ZBTB7B: variants seen among roughly 807,000 people sequenced by gnomAD.
ZBTB7B encodes the protein zinc finger and BTB domain containing 7B, also known as zinc finger and BTB domain-containing protein 7B.
ZBTB7B carries 8 observed loss-of-function variants against 31.0 expected under a neutral mutation model. The observed-to-expected ratio is 0.26, with a 90% CI of 0.15 to 0.47. The LOEUF (loss-of-function observed/expected upper bound fraction) is 0.47, where lower values mean the gene tolerates loss of function less well. ZBTB7B is among the 20% of genes least tolerant of loss of function. ZBTB7B has a pLI of 0.99. For synonymous variants in ZBTB7B, 261 were observed against 307.3 expected, an observed-to-expected ratio of 0.85 and a Z score of 1.58; for missense variants, 494 against 742.4, an observed-to-expected ratio of 0.67 and a Z score of 3.89.
intron 1 of ZBTB7B, among the ~76,000 whole-genome samples, chr1:155,013,863 G>A (rs1036247477): frequency 2.0e-5 from 3 of 152,114 alleles, no homozygotes; most frequent in African/African-American, 7.2e-5. Context: ...AGGATGTGGG[G>A]GGAGGGATGC....
intron 1 of ZBTB7B, among the ~76,000 whole-genome samples, chr1:155,009,759 C>G (rs983505303): frequency 6.6e-6 from 1 of 152,144 alleles, no homozygotes; most frequent in African/African-American, 2.4e-5. Flanking sequence ...GGAAGGCAGG[C>G]CTGGTCCCTG....
intron 1 of ZBTB7B, among the ~76,000 whole-genome samples, chr1:155,008,797 G>T (rs934505502): frequency 1.3e-5 from 2 of 152,154 alleles, no homozygotes; most frequent in Non-Finnish European, 2.9e-5. Context: ...GGGGAGGGGG[G>T]ACAGCACCCA....
Position 155,015,284 on chromosome 1 carries a change from C to T in ZBTB7B, c.624C>T (p.Phe208=). ...ARRSRKPRKA[F]LQTKGARANH... ...GCAGCCGCAAGCCCCGGAAAGCTTT[C>T]CTGCAAACCAAGGGGGCCAGAGCAA... The change falls in exon 2 of 3, where the codon TTC becomes TTT. Residue 208 remains phenylalanine, a synonymous_variant. Coordinates refer to ENST00000535420, the MANE Select transcript of ZBTB7B (RefSeq NM_001256455.2). 6.2e-7 allele frequency: 1 copy of T among 1,613,350 alleles called. No homozygotes were observed. Among genetic ancestry groups the T allele is most frequent in the Non-Finnish European group, 8.5e-7 (1 of 1,179,676 alleles).
At position 155,004,623 on chromosome 1, in the gene ZBTB7B, G is replaced by T. The variant is rs920404655; in HGVS notation, c.-7+1680G>T. 6.6e-6 allele frequency among the ~76,000 whole-genome samples: 1 copy of T among 152,128 alleles called. No homozygotes were observed. Among genetic ancestry groups the T allele is most frequent in the Non-Finnish European group, 1.5e-5 (1 of 68,012 alleles). On this transcript the variant is annotated intron_variant, in intron 1 of 2. Transcript: ENST00000535420. The surrounding 1 kb of genome is among the most constrained non-coding windows in gnomAD (Gnocchi z 4.0). ...TGCTGCGCTAGAGAGGGACATATGT[G>T]TGACTATGTCTGGATGATAGTTAGT... is the stretch of plus-strand genomic sequence containing the variant.
chr1:155,012,258 T>G, intron 1 of ZBTB7B, among the ~76,000 whole-genome samples: 1 of 140,468 alleles, frequency 7.1e-6, no homozygotes, highest in African/African-American at 2.6e-5. Flanking sequence ...GCAGCGGGAA[T>G]GGGTGGGGTG....
At position 155,017,478 on chromosome 1, in the gene ZBTB7B, AGGGCGG is replaced by A. The variant is rs1659545627; in HGVS notation, c.*795_*800del. On this transcript the variant is annotated 3_prime_UTR_variant, in exon 3 of 3. Coordinates refer to ENST00000535420, the MANE Select transcript of ZBTB7B (RefSeq NM_001256455.2). ...CGCTCCCTCCCCGGGGCCAGAGGGCAGGGCGGGCCGGGCGGCGTCCTACCCTCTTCT... is the reference window on the plus strand; with the variant it reads ...CGCTCCCTCCCCGGGGCCAGAGGGCAGCCGGGCGGCGTCCTACCCTCTTCT... 6.6e-6 allele frequency: 1 copy of A among 152,560 alleles called. No individual in the cohort carries two copies. Among genetic ancestry groups the A allele is most frequent in the African/African-American group, 2.4e-5 (1 of 41,430 alleles). 9.5% of individuals were successfully genotyped at this position (152,560 alleles called of 1,614,324 possible).
Position 155,015,256 on chromosome 1 carries a change from G to A in ZBTB7B, c.596G>A (p.Arg199His), listed in dbSNP as rs751576409. The change falls in exon 2 of 3, where the codon CGC becomes CAC. Residue 199 changes from arginine to histidine, a missense_variant. By Grantham distance (29) the Arg-to-His change is conservative. This residue lies in a region of ZBTB7B where 216 missense variants were observed against 229.3 expected (regional missense o/e 0.94). Coordinates refer to ENST00000535420, the MANE Select transcript of ZBTB7B (RefSeq NM_001256455.2). Reference protein sequence around the residue: ...PPPPPPRPVARRSRKPRKAFL... With the variant: ...PPPPPPRPVAHRSRKPRKAFL... ...CCACCGCCACCTCGGCCTGTTGCCC[G>A]CCGCAGCCGCAAGCCCCGGAAAGCT... is the stretch of plus-strand genomic sequence containing the variant. 11 of 1,613,452 alleles carry A rather than the reference G, an allele frequency of 6.8e-6. No homozygotes were observed. The East Asian group carries it at 8.9e-5, about 13-fold the overall frequency.
intron 1 of ZBTB7B, chr1:155,010,844 G>A (rs1289768899): frequency 5.5e-6 from 7 of 1,274,596 alleles, no homozygotes; most frequent in Non-Finnish European, 7.7e-6. Flanking sequence ...ACAGAAGTAA[G>A]GGGGAGGGGT....
Position 155,016,340 on chromosome 1 carries a change from A to G in ZBTB7B, c.1275A>G (p.Thr425=). ...TCAAGAACCACATGCACCTGCACAC[A>G]GGGGACCGGCCCTATGAGTGCCACC... is the stretch of plus-strand genomic sequence containing the variant. The part of the protein sequence containing the change: ...YDLKNHMHLH[T]GDRPYECHLC... The change falls in exon 3 of 3, where the codon ACA becomes ACG. Residue 425 remains threonine, a synonymous_variant. Transcript: ENST00000535420. The surrounding 1 kb of genome is among the most constrained non-coding windows in gnomAD (Gnocchi z 4.3). 1 of 1,614,080 alleles carries G rather than the reference A, an allele frequency of 6.2e-7. No homozygotes were observed. The highest frequency in any genetic ancestry group is 8.5e-7 in the Non-Finnish European group (1 of 1,179,992).
At chr1:155,002,120 C>T (rs933818910), upstream of ZBTB7B, among the ~76,000 whole-genome samples, 6 of 152,192 alleles carry the variant, frequency 3.9e-5, no homozygotes, top group East Asian at 1.2e-3. Flanking sequence ...CCCCCTCCCC[C>T]CTCCTCTCCA....
Position 155,015,175 on chromosome 1 carries a change from C to T in ZBTB7B, c.515C>T (p.Ser172Phe), listed in dbSNP as rs750545570. The change falls in exon 2 of 3, where the codon TCT becomes TTT. Residue 172 changes from serine (S) to phenylalanine (F), a missense_variant. Around this residue, in one of 5 missense-constraint regions of ZBTB7B, gnomAD observed 216 missense variants for 229.3 expected, o/e 0.94. Coordinates refer to ENST00000535420, the MANE Select transcript of ZBTB7B (RefSeq NM_001256455.2). Reference protein sequence around the residue: ...YLEAFATATASGVPNGEDSPP... With the variant: ...YLEAFATATAFGVPNGEDSPP... Reference sequence around the variant, plus strand: ...GAGGCCTTTGCCACAGCCACGGCCTCTGGAGTTCCCAATGGTGAAGACAGT... The same window carrying T: ...GAGGCCTTTGCCACAGCCACGGCCTTTGGAGTTCCCAATGGTGAAGACAGT... 1 of 1,613,774 alleles carries T rather than the reference C, an allele frequency of 6.2e-7. No individual in the cohort carries two copies. Among genetic ancestry groups the T allele is most frequent in the Admixed American group, 1.7e-5 (1 of 60,030 alleles).
chr1:155,014,765 C>T lies in ZBTB7B; in HGVS notation c.105C>T (p.Asp35=). 6.2e-7 allele frequency: 1 copy of T among 1,614,226 alleles called. No individual in the cohort carries two copies. The highest frequency in any genetic ancestry group is 2.2e-5 in the East Asian group (1 of 44,890). Residue 35 remains aspartate, a synonymous_variant, in exon 2 of 3, where the codon GAC becomes GAT. Transcript: ENST00000535420. ...AGCGCCAGCTGGGCCACCTATGTGA[C>T]CTCACCATCCGGACGCAGGGCCTTG... ...NEQRQLGHLC[D]LTIRTQGLEY...
chr1:155,016,344 G>C lies in ZBTB7B; in HGVS notation c.1279G>C (p.Asp427His). Residue 427 changes from aspartate to histidine, a missense_variant, in exon 3 of 3, where the codon GAC becomes CAC. By Grantham distance (81) the Asp-to-His change is moderately conservative. Around this residue, in one of 5 missense-constraint regions of ZBTB7B, gnomAD observed 61 missense variants for 170.0 expected, o/e 0.36. Transcript: ENST00000535420. This position sits in a 1 kb window ranked among gnomAD's most constrained non-coding sequence, Gnocchi z 4.3. ...GAACCACATGCACCTGCACACAGGGGACCGGCCCTATGAGTGCCACCTGTG... is the reference window on the plus strand; with the variant it reads ...GAACCACATGCACCTGCACACAGGGCACCGGCCCTATGAGTGCCACCTGTG... ...LKNHMHLHTGDRPYECHLCHK... is the reference protein window; with the variant it reads ...LKNHMHLHTGHRPYECHLCHK... 6.2e-7 allele frequency: 1 copy of C among 1,614,144 alleles called. No homozygotes were observed. Among genetic ancestry groups the C allele is most frequent in the East Asian group, 2.2e-5 (1 of 44,886 alleles).
chr1:155,016,243 T>C lies in ZBTB7B; in HGVS notation c.1178T>C (p.Met393Thr). Residue 393 changes from methionine to threonine, a missense_variant, in exon 3 of 3, where the codon ATG (methionine) becomes ACG (threonine). Physicochemically the swap from Met to Thr is moderately conservative, Grantham distance 81 (BLOSUM62 -1). Transcript: ENST00000535420. This position sits in a 1 kb window ranked among gnomAD's most constrained non-coding sequence, Gnocchi z 4.3. Reference protein sequence around the residue: ...FTRNDKLKIHMRKHTGERPYS... With the variant: ...FTRNDKLKIHTRKHTGERPYS... ...AGGAACGACAAGCTGAAGATCCACA[T>C]GCGGAAGCACACGGGAGAGCGCCCC... 1.2e-6 allele frequency: 2 copies of C among 1,613,164 alleles called. No individual in the cohort carries two copies. Among genetic ancestry groups the C allele is most frequent in the Non-Finnish European group, 1.7e-6 (2 of 1,179,264 alleles).
Position 155,017,678 on chromosome 1 carries a change from C to A in ZBTB7B, c.*993C>A, listed in dbSNP as rs1450751401. The stretch of plus-strand genomic sequence containing the variant: ...GAGCCGGCGCCATCTGGCGGCCATG[C>A]TCTGAGTGGGCGAGCGCCCCCCGCG... On this transcript the variant is annotated 3_prime_UTR_variant, in exon 3 of 3. Transcript: ENST00000535420. 1 of 152,424 alleles carries A rather than the reference C, an allele frequency of 6.6e-6. No homozygotes were observed. Among genetic ancestry groups the A allele is most frequent in the African/African-American group, 2.4e-5 (1 of 41,460 alleles). 9.4% of individuals were successfully genotyped at this position (152,424 alleles called of 1,614,324 possible). A position where few individuals can be genotyped will look rare whatever the true frequency, so the allele number is the denominator to read the frequency against.
At chr1:155,014,405 C>T in intron 1 of ZBTB7B, 1 of 528,728 alleles carries the variant, frequency 1.9e-6, no homozygotes, top group Non-Finnish European at 3.4e-6. Flanking sequence ...GGGCCCACTC[C>T]CTGAGTTTGA....
chr1:155,015,052 C>T lies in ZBTB7B; in HGVS notation c.392C>T (p.Pro131Leu). The T allele has an allele frequency of 6.2e-7, 1 of 1,613,852 alleles. No homozygotes were observed. The highest frequency in any genetic ancestry group is 8.5e-7 in the Non-Finnish European group (1 of 1,180,010). Reference sequence around the variant, plus strand: ...CAGGCTGCCCGCCTGCTGGAGATCCCGTGTGTCATCGCTGCTTGCATGGAG... The same window carrying T: ...CAGGCTGCCCGCCTGCTGGAGATCCTGTGTGTCATCGCTGCTTGCATGGAG... ...VLQAARLLEI[P>L]CVIAACMEIL... The change falls in exon 2 of 3, where the codon CCG becomes CTG. Residue 131 changes from proline to leucine, a missense_variant. Coordinates refer to ENST00000535420, the MANE Select transcript of ZBTB7B (RefSeq NM_001256455.2).
Position 155,017,032 on chromosome 1 carries a change from TG to T in ZBTB7B, c.*352del, listed in dbSNP as rs1659468946. 4.6e-6 allele frequency: 1 copy of T among 217,266 alleles called. No homozygotes were observed. Among genetic ancestry groups the T allele is most frequent in the Non-Finnish European group, 9.2e-6 (1 of 108,530 alleles). The allele number at this position is 217,266 out of a possible 1,614,324, so 13.5% of individuals were successfully genotyped here. A position where few individuals can be genotyped will look rare whatever the true frequency, so the allele number is the denominator to read the frequency against. Reference sequence around the variant, plus strand: ...TTCGGCTATGCGGGTTTCTAGGGGGTGGGGGCTTGGGACCAAAGCCTTGCCC... The same window carrying T: ...TTCGGCTATGCGGGTTTCTAGGGGGTGGGGCTTGGGACCAAAGCCTTGCCC... On this transcript the variant is annotated 3_prime_UTR_variant, in exon 3 of 3. Transcript: ENST00000535420.
chr1:155,009,283 G>A (rs1449645556), intron 1 of ZBTB7B, among the ~76,000 whole-genome samples: 9 of 152,054 alleles, frequency 5.9e-5, no homozygotes, highest in African/African-American at 2.2e-4. Flanking sequence ...ATCGGGCTGG[G>A]GTGTCCTCTG....
Sources: allele counts gnomAD v4.1 joint callset (sites outside exome capture counted in the v4.1 genomes callset), GRCh38; gene constraint gnomAD v4.1.1; regional missense constraint gnomAD v4.1.1; non-coding constraint Gnocchi (gnomAD v3.1); transcripts MANE v1.5; gene names NCBI Gene and HGNC (gene_info 2026-07-23, HGNC 2026-07-21).